Variants in SLC2A9 observed in about 807,000 individuals in gnomAD.
SLC2A9 encodes the protein solute carrier family 2 member 9.
A neutral mutation model predicts 50.6 loss-of-function variants in SLC2A9; 39 were observed. The ratio of observed to expected loss-of-function variants is 0.77; its 90% CI spans 0.60 to 1.01. SLC2A9 has a LOEUF of 1.01. Among genes scored for constraint, SLC2A9 ranks in the 50% least tolerant of loss-of-function variants. The probability of loss-of-function intolerance (pLI) is 0.00; values close to 1 mark genes in which losing one functional copy is unlikely to be tolerated. For missense variants in SLC2A9, 686 were observed against 677.6 expected (o/e 1.01, Z -0.14); for synonymous variants, 324 against 276.9 (o/e 1.17, Z -1.69).
intron 6 of SLC2A9, among the ~76,000 whole-genome samples, chr4:9,937,018 T>C (rs772265183): frequency 6.6e-6 from 1 of 152,172 alleles, no homozygotes; most frequent in Non-Finnish European, 1.5e-5. Context: ...TGCTGTGGAA[T>C]TGAAGGTACG....
chr4:9,880,285 T>G (rs1329022345), intron 10 of SLC2A9: 1 of 985,410 alleles, frequency 1.0e-6, no homozygotes, highest in Non-Finnish European at 1.2e-6. Flanking sequence ...CTAAAGTCAT[T>G]GCTAGCCAGC....
At chr4:9,891,772 C>G (rs372079388) in intron 8 of SLC2A9, among the ~76,000 whole-genome samples, 23 of 152,266 alleles carry the variant, frequency 1.5e-4, no homozygotes, top group African/African-American at 4.1e-4. Context: ...CAGGAGCAGA[C>G]AGAGATGTGG....
In SLC2A9 at chr4:9,882,526, G is replaced by T. The variant is rs201469378; in HGVS notation, c.1291+5041C>A. ...GATCGTGACCATCCTGGCTAACACA[G>T]TGAAACCCCATCTCTACTAAAAATA... On this transcript the variant is annotated intron_variant, in intron 10 of 11. Coordinates refer to ENST00000264784, the MANE Select transcript of SLC2A9 (RefSeq NM_020041.3). Among the ~76,000 whole-genome samples the T allele has an allele frequency of 1.8e-4, 27 of 152,134 alleles. No individual in the cohort carries two copies. In the East Asian group the frequency reaches 5.2e-3, roughly 29 times the overall value.
At chr4:9,954,100 C>A (rs1424474744) in intron 5 of SLC2A9, among the ~76,000 whole-genome samples, 3 of 152,086 alleles carry the variant, frequency 2.0e-5, no homozygotes, top group Non-Finnish European at 4.4e-5. Flanking sequence ...TGAGCCACTG[C>A]GCCCAGCCCT....
intron 10 of SLC2A9, among the ~76,000 whole-genome samples, chr4:9,884,945 C>T (rs191898101): frequency 6.6e-6 from 1 of 152,274 alleles, no homozygotes; most frequent in East Asian, 1.9e-4. Context: ...CACATGTTCT[C>T]ACTCATAAGT....
intron 10 of SLC2A9, among the ~76,000 whole-genome samples, chr4:9,836,088 C>CAAAAAAAA (rs35303241): frequency 4.6e-4 from 22 of 48,148 alleles, no homozygotes; most frequent in South Asian, 1.3e-3. Context: ...AACTCCCTCT[C>CAAAAAAAA]AAAAAAAAAA....
At position 9,932,519 on chromosome 4, in the gene SLC2A9, G is replaced by C. The variant is rs541604570; in HGVS notation, c.814+9394C>G. Reference sequence around the variant, plus strand: ...AAAAGAAAAATAAATCAAGGTAAGTGGCAGTGAGAAGAGGGGACACTGAGC... The same window carrying C: ...AAAAGAAAAATAAATCAAGGTAAGTCGCAGTGAGAAGAGGGGACACTGAGC... On this transcript the variant is annotated intron_variant, in intron 6 of 11. Coordinates refer to ENST00000264784, the MANE Select transcript of SLC2A9 (RefSeq NM_020041.3). Among the ~76,000 whole-genome samples, 3 of 152,312 alleles carry C rather than the reference G, an allele frequency of 2.0e-5. No individual in the cohort carries two copies. The East Asian group carries it at 5.8e-4, about 29-fold the overall frequency.
Position 9,804,109 on chromosome 4 carries a change from C to A in SLC2A9, n.421-4868G>T, listed in dbSNP as rs76257144. 5.6e-3 allele frequency among the ~76,000 whole-genome samples: 850 copies of A among 152,296 alleles called. 29 individuals are homozygous for A. The East Asian group carries it at 0.08, about 14-fold the overall frequency. On this transcript the variant is annotated intron_variant and non_coding_transcript_variant, in intron 3 of 3. Transcript: ENST00000503280. ...TCATAGTTATAAGGAGAGCAAGATA[C>A]ATGAACAGATGATAAAAATACAATT...
intron 3 of SLC2A9, among the ~76,000 whole-genome samples, chr4:9,814,982 C>G (rs1246617074): frequency 6.6e-6 from 1 of 152,004 alleles, no homozygotes; most frequent in East Asian, 1.9e-4. Flanking sequence ...AGTCATCACT[C>G]TGGAGACAGA....
intron 7 of SLC2A9, among the ~76,000 whole-genome samples, chr4:9,909,401 C>G (rs547688791): frequency 1.6e-4 from 24 of 152,314 alleles, no homozygotes; most frequent in African/African-American, 5.5e-4. Context: ...TCATGTGAGA[C>G]TGAAAACCTT....
intron 6 of SLC2A9, among the ~76,000 whole-genome samples, chr4:9,925,871 G>GT (rs1427680152): frequency 1.3e-5 from 2 of 152,172 alleles, no homozygotes; most frequent in Non-Finnish European, 2.9e-5. Flanking sequence ...GCCAGTATCT[G>GT]TTCGGTGTTC....
chr4:9,904,510 C>A (rs1269216516), intron 8 of SLC2A9, among the ~76,000 whole-genome samples: 2 of 152,168 alleles, frequency 1.3e-5, no homozygotes, highest in Non-Finnish European at 2.9e-5. Context: ...GGGTTAGCTC[C>A]CTATCTCAAG....
At chr4:9,864,351 A>T (rs1732113615) in intron 10 of SLC2A9, among the ~76,000 whole-genome samples, 1 of 152,228 alleles carries the variant, frequency 6.6e-6, no homozygotes, top group Non-Finnish European at 1.5e-5. Context: ...GACCTCCTGC[A>T]AGTGCCCAGA....
At chr4:9,888,282 T>C (rs1366655778) in intron 9 of SLC2A9, among the ~76,000 whole-genome samples, 3 of 150,552 alleles carry the variant, frequency 2.0e-5, no homozygotes, top group East Asian at 3.9e-4. Flanking sequence ...CATATATATA[T>C]ATATATGTAT....
intron 10 of SLC2A9, among the ~76,000 whole-genome samples, chr4:9,868,290 G>A (rs770375621): frequency 6.6e-6 from 1 of 152,226 alleles, no homozygotes; most frequent in Non-Finnish European, 1.5e-5. Context: ...GAGTCGCCTG[G>A]CAGTGCAGCC....
chr4:9,838,340 C>G (rs1190365399), intron 10 of SLC2A9, among the ~76,000 whole-genome samples: 2 of 152,100 alleles, frequency 1.3e-5, no homozygotes, highest in African/African-American at 4.8e-5. Context: ...GAACTACAAA[C>G]CACTGCTTAA....
chr4:9,930,604 C>T (rs1300013339), intron 6 of SLC2A9, among the ~76,000 whole-genome samples: 1 of 152,180 alleles, frequency 6.6e-6, no homozygotes, highest in Admixed American at 6.5e-5. Flanking sequence ...TGCAGAGGTG[C>T]TCACAGCATG....
chr4:9,792,371 A>G (rs543455370), intron 3 of SLC2A9, among the ~76,000 whole-genome samples: 30 of 147,792 alleles, frequency 2.0e-4, no homozygotes, highest in Non-Finnish European at 4.0e-4. Flanking sequence ...AATTTTTATT[A>G]GAGACAAGAT....
intron 10 of SLC2A9, among the ~76,000 whole-genome samples, chr4:9,844,838 C>A (rs570194677): frequency 6.6e-6 from 1 of 152,136 alleles, no homozygotes; most frequent in South Asian, 2.1e-4. Context: ...AACAATAGTT[C>A]CTACTTAGTT....
Sources: allele counts gnomAD v4.1 joint callset (sites outside exome capture counted in the v4.1 genomes callset), GRCh38; gene constraint gnomAD v4.1.1; transcripts MANE v1.5; gene names NCBI Gene and HGNC (gene_info 2026-07-23, HGNC 2026-07-21).